GRIA3: variants seen among roughly 807,000 people sequenced by gnomAD.
GRIA3 encodes glutamate receptor 3.
GRIA3 carries 3 observed loss-of-function variants against 63.0 expected under a neutral mutation model. That is an observed-to-expected ratio of 0.05 (90% CI 0.02 to 0.12). The LOEUF (loss-of-function observed/expected upper bound fraction) is 0.12, where lower values mean the gene tolerates loss of function less well. GRIA3 is among the 10% of genes least tolerant of loss of function. The pLI is 1.00. For missense variants in GRIA3, 347 were observed against 700.9 expected, an observed-to-expected ratio of 0.50 and a Z score of 5.70; for synonymous variants, 274 against 257.9, an observed-to-expected ratio of 1.06 and a Z score of -0.60.
chrX:123,288,070 A>G lies in GRIA3; in HGVS notation c.508+34528A>G, dbSNP rs1476627897. ...ATGGTACTGGTACTAAAACAGATAT[A>G]TAGACCAATGGAACAGAACAGAGGC... On this transcript the variant is annotated intron_variant, in intron 3 of 15. Transcript: ENST00000620443. Among the ~76,000 whole-genome samples the G allele has an allele frequency of 2.7e-5, 3 of 112,617 alleles. No individual in the cohort carries two copies. The East Asian group carries it at 8.3e-4, about 31-fold the overall frequency.
intron 10 of GRIA3, among the ~76,000 whole-genome samples, chrX:123,414,394 G>A (rs2045523958): frequency 8.9e-6 from 1 of 112,202 alleles, no homozygotes; most frequent in East Asian, 2.8e-4. Flanking sequence ...GGTGGAGCCC[G>A]AGAACTGGCA....
At chrX:123,429,966 T>C (rs1016548085) in intron 12 of GRIA3, among the ~76,000 whole-genome samples, 3 of 112,280 alleles carry the variant, frequency 2.7e-5, no homozygotes, top group African/African-American at 6.5e-5. Context: ...TCTGGAAAGA[T>C]GAAGAGATTT....
intron 12 of GRIA3, among the ~76,000 whole-genome samples, chrX:123,433,311 C>T (rs935843193): frequency 9.0e-6 from 1 of 111,552 alleles, no homozygotes; most frequent in African/African-American, 3.3e-5. Flanking sequence ...GCAATAAGTT[C>T]AAGGGATAAT....
At chrX:123,402,740 G>A (rs774602749) in intron 7 of GRIA3, among the ~76,000 whole-genome samples, 3 of 110,751 alleles carry the variant, frequency 2.7e-5, no homozygotes, top group Non-Finnish European at 3.8e-5. Context: ...AAAAAGTGGC[G>A]GTAGAGCCCT....
At chrX:123,228,020 G>C (rs2044256977) in intron 2 of GRIA3, among the ~76,000 whole-genome samples, 5 of 112,165 alleles carry the variant, frequency 4.5e-5, no homozygotes, top group Admixed American at 3.8e-4. Flanking sequence ...GAGCCTTTCA[G>C]CTCCTCCTGT....
intron 5 of GRIA3, among the ~76,000 whole-genome samples, chrX:123,373,115 G>T (rs1569426649): frequency 9.1e-6 from 1 of 109,974 alleles, no homozygotes; most frequent in Non-Finnish European, 1.9e-5. Context: ...AATATGCGGT[G>T]TTTGGTTTTC....
chrX:123,272,780 TGA>T (rs763880065), intron 3 of GRIA3, among the ~76,000 whole-genome samples: 2 of 111,818 alleles, frequency 1.8e-5, no homozygotes, highest in Admixed American at 1.9e-4. Flanking sequence ...TTTCCAGCAC[TGA>T]GAGAGAGAAA....
intron 5 of GRIA3, among the ~76,000 whole-genome samples, chrX:123,394,277 G>C (rs775727949): frequency 9.0e-6 from 1 of 111,054 alleles, no homozygotes; most frequent in East Asian, 2.8e-4. Flanking sequence ...CACGAGAATC[G>C]CTTGAACCCG....
At position 123,186,614 on chromosome X, in the gene GRIA3, T is replaced by G. The variant is rs760610735; in HGVS notation, c.268+624T>G. 6.3e-5 allele frequency among the ~76,000 whole-genome samples: 7 copies of G among 111,697 alleles called. No homozygotes were observed. In the East Asian group the frequency reaches 2.0e-3, roughly 31 times the overall value. On this transcript the variant is annotated intron_variant, in intron 2 of 15. Coordinates refer to ENST00000620443, the MANE Select transcript of GRIA3 (RefSeq NM_007325.5). ...GAGCTCTGATAGGAACTCATAAGACTACAAACTGATTGCAAGTGATGAATG... is the reference window on the plus strand; with the variant it reads ...GAGCTCTGATAGGAACTCATAAGACGACAAACTGATTGCAAGTGATGAATG...
At chrX:123,248,184 G>T (rs1160094308) in intron 2 of GRIA3, among the ~76,000 whole-genome samples, 1 of 112,447 alleles carries the variant, frequency 8.9e-6, no homozygotes, top group Non-Finnish European at 1.9e-5. Flanking sequence ...TTTTACAGAT[G>T]AAGAAACTCT....
chrX:123,349,604 G>C (rs997878555), intron 4 of GRIA3, among the ~76,000 whole-genome samples: 1 of 112,347 alleles, frequency 8.9e-6, no homozygotes, highest in African/African-American at 3.2e-5. Context: ...TTTACAAAAA[G>C]CTTCAGCCTG....
chrX:123,239,756 C>T (rs2044319922), intron 2 of GRIA3, among the ~76,000 whole-genome samples: 2 of 112,117 alleles, frequency 1.8e-5, no homozygotes, highest in African/African-American at 3.2e-5. Context: ...TGATAATGGA[C>T]AATTAAATGT....
chrX:123,481,001 G>A (rs1036501743), intron 14 of GRIA3, among the ~76,000 whole-genome samples: 1 of 110,840 alleles, frequency 9.0e-6, no homozygotes, highest in Non-Finnish European at 1.9e-5. Flanking sequence ...TTCATGAAAT[G>A]CCACTCATTT....
At position 123,394,762 on chromosome X, in the gene GRIA3, A is replaced by T. The variant is rs1603131860; in HGVS notation, c.751-206A>T. 5.3e-5 allele frequency among the ~76,000 whole-genome samples: 6 copies of T among 112,594 alleles called. No individual in the cohort carries two copies. In the South Asian group the frequency reaches 2.2e-3, roughly 42 times the overall value. ...ACATTACATAAAGACACATGAACTAAAATGGAAGAATGCATATTTTCTCCA... is the reference window on the plus strand; with the variant it reads ...ACATTACATAAAGACACATGAACTATAATGGAAGAATGCATATTTTCTCCA... On this transcript the variant is annotated intron_variant, in intron 5 of 15. Coordinates refer to ENST00000620443, the MANE Select transcript of GRIA3 (RefSeq NM_007325.5).
At chrX:123,280,748 A>G (rs969508864) in intron 3 of GRIA3, among the ~76,000 whole-genome samples, 1 of 112,355 alleles carries the variant, frequency 8.9e-6, no homozygotes, top group African/African-American at 3.2e-5. Flanking sequence ...TTCTGGACAT[A>G]GCTTTGGTGA....
chrX:123,388,126 G>A (rs761441339), intron 5 of GRIA3, among the ~76,000 whole-genome samples: 2 of 111,962 alleles, frequency 1.8e-5, no homozygotes, highest in African/African-American at 6.5e-5. Context: ...GGTCTGTTTA[G>A]GTTTTCAATT....
intron 12 of GRIA3, among the ~76,000 whole-genome samples, chrX:123,453,506 G>A (rs942830591): frequency 2.7e-5 from 3 of 110,554 alleles, no homozygotes; most frequent in Non-Finnish European, 5.7e-5. Flanking sequence ...AAACCTGCAC[G>A]TTGTGCACAT....
chrX:123,200,983 G>A (rs935263739), intron 2 of GRIA3, among the ~76,000 whole-genome samples: 9 of 111,797 alleles, frequency 8.1e-5, no homozygotes, highest in African/African-American at 2.9e-4. Flanking sequence ...ATAGCCTTGG[G>A]TGAGGAGCTT....
At chrX:123,419,991 G>A (rs1280969217) in intron 11 of GRIA3, among the ~76,000 whole-genome samples, 1 of 112,014 alleles carries the variant, frequency 8.9e-6, no homozygotes, top group African/African-American at 3.2e-5. Flanking sequence ...GAACATGAAT[G>A]TCCTGAGCCT....
Sources: allele counts gnomAD v4.1 joint callset (sites outside exome capture counted in the v4.1 genomes callset), GRCh38; gene constraint gnomAD v4.1.1; transcripts MANE v1.5; gene names NCBI Gene and HGNC (gene_info 2026-07-23, HGNC 2026-07-21).